The following NBPF20 variants were observed in gnomAD, a reference collection of about 807,000 sequenced individuals.
NBPF20 encodes NBPF member 20.
In NBPF20, 90 loss-of-function variants were observed where a neutral mutation model predicts 68.1. That is an observed-to-expected ratio of 1.32 (90% CI 1.11 to 1.58). The LOEUF is 1.58. NBPF20 is among the 40% of genes most tolerant of loss of function. The pLI, the probability that NBPF20 is intolerant of heterozygous loss-of-function variation, is 0.00. For missense variants in NBPF20, 816 were observed against 601.2 expected (o/e 1.36, Z -3.74); for synonymous variants, 290 against 228.1 (o/e 1.27, Z -2.45).
chr1:145,290,262 T>A (rs1404853931), exon 138 of NBPF20: 1 of 149,036 alleles, frequency 6.7e-6, no homozygotes, highest in African/African-American at 2.6e-5. Context: ...AAAACCGCTT[T>A]CCCAAGTACT....
At chr1:145,311,977 G>C (rs1222741247) in intron 112 of NBPF20, among the ~76,000 whole-genome samples, 1 of 86,024 alleles carries the variant, frequency 1.2e-5, no homozygotes, top group Admixed American at 1.2e-4. Context: ...ATGAGAGTAG[G>C]ATTAGGGCGC....
chr1:145,394,933 G>A, intron 8 of NBPF20, 45 bp downstream of exon 13: 2 of 1,611,350 alleles, frequency 1.2e-6, no homozygotes, highest in Non-Finnish European at 1.7e-6. Context: ...GGGTCTACCT[G>A]GGCCATGAAC....
At chr1:145,403,611 A>C (rs1431251206) in intron 2 of NBPF20, among the ~76,000 whole-genome samples, 4 of 152,318 alleles carry the variant, frequency 2.6e-5, no homozygotes, top group African/African-American at 9.6e-5. Context: ...CTGACTCTGA[A>C]TGCGGGGCCA....
chr1:145,400,849 G>T (rs1166728820), intron 5 of NBPF20, among the ~76,000 whole-genome samples: 2 of 151,938 alleles, frequency 1.3e-5, no homozygotes, highest in Non-Finnish European at 2.9e-5. Context: ...TGAAGACTCA[G>T]CTATCCCTGT....
chr1:145,400,250 C>T (rs1662455137), intron 6 of NBPF20, 139 bp downstream of exon 11: 1 of 1,569,314 alleles, frequency 6.4e-7, no homozygotes, highest in African/African-American at 1.4e-5. Context: ...CTGAGAAGGA[C>T]AAAAAAAGTC....
Position 145,393,207 on chromosome 1 carries a change from G to A in NBPF20, c.1083C>T (p.Val361=). 4.9e-6 allele frequency: 3 copies of A among 614,488 alleles called. No homozygotes were observed. The South Asian group carries it at 5.7e-5, about 12-fold the overall frequency. 38.1% of individuals were successfully genotyped at this position (614,488 alleles called of 1,614,324 possible). A position where few individuals can be genotyped will look rare whatever the true frequency, so the allele number is the denominator to read the frequency against. ...AACATCTATCCAGTGAGTCCTGCAAGACTTCAGGCCCTTTCTCATCCAGCA... is the reference window on the plus strand; with the variant it reads ...AACATCTATCCAGTGAGTCCTGCAAAACTTCAGGCCCTTTCTCATCCAGCA... Residue 361 remains valine (V), a synonymous_variant, in exon 10 of 138, where the codon GTC becomes GTT. Coordinates refer to ENST00000369373, the Ensembl canonical transcript of NBPF20.
upstream of NBPF20, among the ~76,000 whole-genome samples, chr1:145,409,057 C>T (rs1198339467): frequency 6.7e-6 from 1 of 149,064 alleles, no homozygotes; most frequent in African/African-American, 2.5e-5. Flanking sequence ...TTCTTGTACC[C>T]CTTTGCAGTT....
At chr1:145,419,351 A>G in the NBPF20 span, among the ~76,000 whole-genome samples, 1 of 152,314 alleles carries the variant, frequency 6.6e-6, no homozygotes, top group Non-Finnish European at 1.5e-5. Flanking sequence ...GTTATTGGAG[A>G]CAGACGCACT....
chr1:145,295,982 G>A (rs1296792040), intron 132 of NBPF20: 2 of 157,940 alleles, frequency 1.3e-5, no homozygotes, highest in Non-Finnish European at 2.1e-5. Context: ...ATTGTTCACG[G>A]TATCGAGGAT....
the NBPF20 span, among the ~76,000 whole-genome samples, chr1:145,424,158 T>C: frequency 1.7e-4 from 25 of 148,336 alleles, no homozygotes; most frequent in South Asian, 5.5e-3. Flanking sequence ...GTAATTTTAG[T>C]AGAGATAGGG....
At chr1:145,407,660 G>C (rs1402105849), upstream of NBPF20, 1 of 151,366 alleles carries the variant, frequency 6.6e-6, no homozygotes, top group Non-Finnish European at 1.5e-5. Context: ...GTGGCGAGGA[G>C]GACAGCACCT....
At chr1:145,291,744 C>G (rs376765079) in exon 138 of NBPF20, 1 of 1,611,914 alleles carries the variant, frequency 6.2e-7, no homozygotes, top group South Asian at 1.1e-5. Context: ...TCAGGCTCTT[C>G]CACTTCCATC....
chr1:145,291,341 T>G, exon 138 of NBPF20: 3 of 1,086,828 alleles, frequency 2.8e-6, no homozygotes, highest in East Asian at 2.4e-5. Flanking sequence ...ACACCTAACG[T>G]GGGTCCATTG....
intron 9 of NBPF20, among the ~76,000 whole-genome samples, chr1:145,393,455 ACAAAC>A (rs1662026221): frequency 8.2e-6 from 1 of 121,284 alleles, no homozygotes; most frequent in African/African-American, 3.1e-5. Flanking sequence ...ACACACACAC[ACAAAC>A]ACACACACAC....
the NBPF20 span, among the ~76,000 whole-genome samples, chr1:145,411,236 G>A: frequency 7.4e-5 from 11 of 148,220 alleles, no homozygotes; most frequent in South Asian, 1.3e-3. Context: ...ATCAATTTAC[G>A]AAGAACTGAC....
At chr1:145,340,825 G>A in exon 76 of NBPF20, 1 of 158,440 alleles carries the variant, frequency 6.3e-6, no homozygotes, top group South Asian at 3.2e-5. Flanking sequence ...AGGCACTTCT[G>A]TAGGGCTGGC....
chr1:145,292,350 G>C (rs782013162), intron 137 of NBPF20, 31 bp downstream of exon 142: 1 of 663,724 alleles, frequency 1.5e-6, no homozygotes, highest in East Asian at 2.5e-5. Context: ...TGTTAACACA[G>C]AATTAAGCAT....
chr1:145,292,244 T>C (rs188901679), intron 137 of NBPF20, 137 bp downstream of exon 142: 1 of 657,018 alleles, frequency 1.5e-6, no homozygotes, highest in Admixed American at 2.3e-5. Context: ...TCTACTGCAA[T>C]GAAAACCAAC....
chr1:145,394,579 A>C (rs1308288665), intron 8 of NBPF20, among the ~76,000 whole-genome samples: 5 of 152,040 alleles, frequency 3.3e-5, no homozygotes, highest in Admixed American at 6.5e-5. Context: ...GGGCGGGTAA[A>C]GAACCACACA....
Sources: gnomAD v4.1 joint callset for allele counts (sites outside exome capture counted in the v4.1 genomes callset) on GRCh38, gnomAD v4.1.1 for gene constraint, MANE v1.5 for transcripts, NCBI Gene and HGNC (gene_info 2026-07-23, HGNC 2026-07-21) for gene names.